The following GRHL1 variants were observed in gnomAD, a reference collection of about 807,000 sequenced individuals.
GRHL1 encodes the protein grainyhead like transcription factor 1.
GRHL1 carries 38 observed loss-of-function variants against 75.7 expected under a neutral mutation model. The observed-to-expected ratio is 0.50, with a 90% CI of 0.39 to 0.66. The LOEUF is 0.66. Among genes scored for constraint, GRHL1 ranks in the 30% least tolerant of loss-of-function variants. The pLI is 0.00. For missense variants in GRHL1, 589 were observed against 767.5 expected, an observed-to-expected ratio of 0.77 and a Z score of 2.75; for synonymous variants, 266 against 279.4, an observed-to-expected ratio of 0.95 and a Z score of 0.48.
At chr2:9,978,482 C>T (rs569783598) in intron 8 of GRHL1, among the ~76,000 whole-genome samples, 55 of 152,242 alleles carry the variant, frequency 3.6e-4, no homozygotes, top group Admixed American at 2.1e-3. Context: ...GAGATGTGAA[C>T]GAGAATGGAC....
chr2:9,977,089 A>G (rs1667978719), intron 8 of GRHL1, among the ~76,000 whole-genome samples: 1 of 152,208 alleles, frequency 6.6e-6, no homozygotes, highest in Admixed American at 6.5e-5. Flanking sequence ...GGGGTCCTCT[A>G]CTAGAGGTTG....
At chr2:9,957,471 G>A (rs1026808669) in intron 2 of GRHL1, among the ~76,000 whole-genome samples, 12 of 151,408 alleles carry the variant, frequency 7.9e-5, no homozygotes, top group Admixed American at 2.0e-4. Context: ...GTGCAGTGGC[G>A]CAGTCTCAAC....
chr2:9,969,600 A>G (rs1480434116), intron 8 of GRHL1, among the ~76,000 whole-genome samples: 1 of 152,214 alleles, frequency 6.6e-6, no homozygotes, highest in African/African-American at 2.4e-5. Context: ...ATTTAAGCAC[A>G]GAGGAGAAAT....
At chr2:9,953,208 GTACAAA>G in intron 1 of GRHL1, 1 of 396,776 alleles carries the variant, frequency 2.5e-6, no homozygotes, top group Non-Finnish European at 5.0e-6. Flanking sequence ...TCTATTGCTT[GTACAAA>G]TTTGGGATGT....
At chr2:9,953,307 A>T (rs1666875830) in intron 1 of GRHL1, among the ~76,000 whole-genome samples, 1 of 152,246 alleles carries the variant, frequency 6.6e-6, no homozygotes, top group Admixed American at 6.5e-5. Flanking sequence ...GGAAGTAGCT[A>T]TTACGCTATT....
At chr2:9,980,937 G>T (rs1348203272) in intron 8 of GRHL1, among the ~76,000 whole-genome samples, 1 of 152,166 alleles carries the variant, frequency 6.6e-6, no homozygotes, top group Non-Finnish European at 1.5e-5. Flanking sequence ...GTGATAATTT[G>T]TCTGCAGGAT....
rs762275075 is a variant in GRHL1, at chr2:10,001,522, G to A, written c.*815G>A. The A allele has an allele frequency of 3.3e-5, 5 of 152,154 alleles. No individual in the cohort carries two copies. In the South Asian group the frequency reaches 6.2e-4, roughly 19 times the overall value. The allele number at this position is 152,154 out of a possible 1,614,324, so 9.4% of individuals were successfully genotyped here. On this transcript the variant is annotated 3_prime_UTR_variant, in exon 16 of 16. Transcript: ENST00000324907. Reference sequence around the variant, plus strand: ...ACAAAGGTTAAGTTATTTTTTGATCGTGTATACCAAGCAGATAGAATACTG... The same window carrying A: ...ACAAAGGTTAAGTTATTTTTTGATCATGTATACCAAGCAGATAGAATACTG...
chr2:9,993,090 A>G, intron 11 of GRHL1, 117 bp from the exon 12 acceptor site: 1 of 852,174 alleles, frequency 1.2e-6, no homozygotes, highest in Non-Finnish European at 2.0e-6. Flanking sequence ...AACTAAGGCT[A>G]AAGGATTTTA....
chr2:9,996,609 A>G (rs534828488), intron 14 of GRHL1, among the ~76,000 whole-genome samples: 1 of 152,346 alleles, frequency 6.6e-6, no homozygotes, highest in Non-Finnish European at 1.5e-5. Context: ...TGTTCCACTG[A>G]AGTGAATGCA....
chr2:9,984,603 G>A (rs2125234716), intron 8 of GRHL1, among the ~76,000 whole-genome samples: 2 of 151,434 alleles, frequency 1.3e-5, no homozygotes, highest in East Asian at 3.9e-4. Context: ...TAACTGATTT[G>A]GAGCCCAGGA....
chr2:9,993,736 C>T (rs1668741193), intron 12 of GRHL1, among the ~76,000 whole-genome samples: 1 of 152,178 alleles, frequency 6.6e-6, no homozygotes, highest in Non-Finnish European at 1.5e-5. Flanking sequence ...GCAGATGGCG[C>T]TTGATGTCAG....
chr2:9,975,898 A>G (rs1667929700), intron 8 of GRHL1, among the ~76,000 whole-genome samples: 1 of 152,120 alleles, frequency 6.6e-6, no homozygotes, highest in Admixed American at 6.5e-5. Flanking sequence ...AAAAAACAAA[A>G]AAACAAAAAA....
intron 4 of GRHL1, among the ~76,000 whole-genome samples, chr2:9,962,056 C>T (rs768847659): frequency 6.6e-6 from 1 of 152,082 alleles, no homozygotes; most frequent in Non-Finnish European, 1.5e-5. Flanking sequence ...AGAAAATGCA[C>T]CACATCTCTT....
chr2:9,968,875 C>G lies in GRHL1; in HGVS notation c.1110+3494C>G, dbSNP rs17455130. On this transcript the variant is annotated intron_variant, in intron 8 of 15. Transcript: ENST00000324907. The surrounding 1 kb of genome is among the most constrained non-coding windows in gnomAD (Gnocchi z 4.7). Reference sequence around the variant, plus strand: ...GGATCTAGGCTCCTGCCACTAGTTCCGCAGGCCAGGTAGATAGTGGCATAA... The same window carrying G: ...GGATCTAGGCTCCTGCCACTAGTTCGGCAGGCCAGGTAGATAGTGGCATAA... Among the ~76,000 whole-genome samples, 1 of 152,104 alleles carries G rather than the reference C, an allele frequency of 6.6e-6. No individual in the cohort carries two copies. The highest frequency in any genetic ancestry group is 1.5e-5 in the Non-Finnish European group (1 of 68,010).
At position 9,987,568 on chromosome 2, in the gene GRHL1, C is replaced by T. The variant is rs116821889; in HGVS notation, c.1269+1286C>T. The stretch of plus-strand genomic sequence containing the variant: ...CAATAAGCATGGGGAAGGAGAGGTG[C>T]GGATTCTTCTCTACAGCCACAGGGA... On this transcript the variant is annotated intron_variant, in intron 9 of 15. Coordinates refer to ENST00000324907, the MANE Select transcript of GRHL1 (RefSeq NM_198182.3). The surrounding 1 kb of genome is among the most constrained non-coding windows in gnomAD (Gnocchi z 4.2). 0.011 allele frequency among the ~76,000 whole-genome samples: 1,608 copies of T among 152,190 alleles called. 25 individuals are homozygous for T. The highest frequency in any genetic ancestry group is 0.061 in the Middle Eastern group (18 of 294).
intron 8 of GRHL1, among the ~76,000 whole-genome samples, chr2:9,966,920 G>A (rs1457209288): frequency 1.3e-5 from 2 of 152,078 alleles, no homozygotes; most frequent in Admixed American, 6.5e-5. Context: ...TTTGTTGCTT[G>A]GCTAAGCAAT....
rs1435136186 is a variant in GRHL1, at chr2:9,987,768, GTT to G, written c.1269+1488_1269+1489del. On this transcript the variant is annotated intron_variant, in intron 9 of 15. Coordinates refer to ENST00000324907, the MANE Select transcript of GRHL1 (RefSeq NM_198182.3). This position sits in a 1 kb window ranked among gnomAD's most constrained non-coding sequence, Gnocchi z 4.2. ...AGGTGCGTCGAGTCTTGAGGGGAAA[GTT>G]TGTGCTGGCTCGAAACTGGGGAGCA... Among the ~76,000 whole-genome samples the G allele has an allele frequency of 2.6e-5, 4 of 152,212 alleles. No individual in the cohort carries two copies. The highest frequency in any genetic ancestry group is 9.6e-5 in the African/African-American group (4 of 41,456).
chr2:9,955,056 T>C lies in GRHL1; in HGVS notation c.162T>C (p.Asp54=), dbSNP rs16867251. The part of the protein sequence containing the change: ...ATKAMMSING[D]EDSAAALGLL... ...AAGCGATGATGAGCATCAATGGAGA[T>C]GAAGACAGCGCCGCTGCGCTGGGCC... is the stretch of plus-strand genomic sequence containing the variant. The change falls in exon 2 of 16, where the codon GAT becomes GAC. Residue 54 remains aspartate (D), a synonymous_variant. Transcript: ENST00000324907. 215,970 of 1,613,272 alleles carry C rather than the reference T, an allele frequency of 0.13. 17,950 individuals carry two copies. Among genetic ancestry groups the C allele is most frequent in the African/African-American group, 0.39 (29,579 of 74,938 alleles).
chr2:9,980,419 C>CAA lies in GRHL1; in HGVS notation c.1111-5693_1111-5692dup, dbSNP rs533688396. On this transcript the variant is annotated intron_variant, in intron 8 of 15. Coordinates refer to ENST00000324907, the MANE Select transcript of GRHL1 (RefSeq NM_198182.3). Reference sequence around the variant, plus strand: ...CATTTTCAAACTGAGGTTTGAAAACCAAAAAAAAAAAAAGAATTAAATATT... The same window carrying CAA: ...CATTTTCAAACTGAGGTTTGAAAACCAAAAAAAAAAAAAAAGAATTAAATATT... Among the ~76,000 whole-genome samples, 1,018 of 126,678 alleles carry CAA rather than the reference C, an allele frequency of 8.0e-3. 13 individuals carry two copies. Among genetic ancestry groups the CAA allele is most frequent in the African/African-American group, 0.027 (966 of 35,162 alleles). 83.1% of individuals were successfully genotyped at this position (126,678 alleles called of 152,430 possible). A position where few individuals can be genotyped will look rare whatever the true frequency, so the allele number is the denominator to read the frequency against.
Sources: allele counts gnomAD v4.1 joint callset (sites outside exome capture counted in the v4.1 genomes callset), GRCh38; gene constraint gnomAD v4.1.1; non-coding constraint Gnocchi (gnomAD v3.1); transcripts MANE v1.5; gene names NCBI Gene and HGNC (gene_info 2026-07-23, HGNC 2026-07-21).